SLIT2: variants seen among roughly 807,000 people sequenced by gnomAD.
SLIT2 encodes the protein slit homolog 2 protein.
SLIT2 carries 41 observed loss-of-function variants against 185.7 expected under a neutral mutation model. That is an observed-to-expected ratio of 0.22 (90% confidence interval 0.17 to 0.29). SLIT2 has a LOEUF of 0.29. Among genes scored for constraint, SLIT2 ranks in the 10% least tolerant of loss-of-function variants. SLIT2 has a pLI of 1.00. For missense variants in SLIT2, 1,571 were observed against 1,909.0 expected (o/e 0.82, Z 3.30); for synonymous variants, 693 against 680.2 (o/e 1.02, Z -0.29).
At chr4:20,425,477 A>G (rs960523056) in intron 4 of SLIT2, among the ~76,000 whole-genome samples, 3 of 152,146 alleles carry the variant, frequency 2.0e-5, no homozygotes, top group African/African-American at 7.2e-5. Flanking sequence ...ATTTATATGA[A>G]TGAAATAGTC....
chr4:20,467,170 T>C (rs1051586635), intron 4 of SLIT2, among the ~76,000 whole-genome samples: 3 of 152,152 alleles, frequency 2.0e-5, no homozygotes, highest in African/African-American at 7.2e-5. Context: ...TTAAAGAAGG[T>C]TTTATGTAAA....
chr4:20,531,411 C>A (rs632152), intron 16 of SLIT2, among the ~76,000 whole-genome samples: 134,925 of 152,238 alleles, frequency 0.89, 60,009 homozygotes, highest in African/African-American at 0.96. Context: ...AATGCCCAGA[C>A]TAGGAAAATT....
intron 4 of SLIT2, among the ~76,000 whole-genome samples, chr4:20,288,272 T>C (rs569746720): frequency 7.9e-5 from 12 of 152,364 alleles, no homozygotes; most frequent in African/African-American, 2.4e-4. Flanking sequence ...CAGTGTGGTG[T>C]GTAGGCCTGG....
In SLIT2 at chr4:20,594,261, ACG is replaced by A. The variant is rs535331346; in HGVS notation, c.3183-1434_3183-1433del. On this transcript the variant is annotated intron_variant, in intron 30 of 36. Coordinates refer to ENST00000504154, the MANE Select transcript of SLIT2 (RefSeq NM_004787.4). ...TGTATATACATATACATATACATAC[ACG>A]CATATGTATGTGTGTATGTATATGT... Among the ~76,000 whole-genome samples, 287 of 149,804 alleles carry A rather than the reference ACG, an allele frequency of 1.9e-3. 2 individuals are homozygous for A. Among genetic ancestry groups the A allele is most frequent in the African/African-American group, 6.6e-3 (269 of 40,802 alleles).
At chr4:20,608,074 A>G (rs1483959254) in intron 33 of SLIT2, among the ~76,000 whole-genome samples, 1 of 152,148 alleles carries the variant, frequency 6.6e-6, no homozygotes, top group East Asian at 1.9e-4. Flanking sequence ...GTATTGAATT[A>G]TTTGTATCAT....
intron 4 of SLIT2, among the ~76,000 whole-genome samples, chr4:20,464,451 C>G (rs1714119282): frequency 6.6e-6 from 1 of 152,124 alleles, no homozygotes; most frequent in Non-Finnish European, 1.5e-5. Flanking sequence ...CCATTTTCTT[C>G]CTCTGAAACA....
intron 22 of SLIT2, 76 bp from the exon 23 acceptor site, chr4:20,548,412 C>A: frequency 1.3e-6 from 1 of 761,466 alleles, no homozygotes; most frequent in Non-Finnish European, 2.3e-6. Context: ...TATAAGAAGA[C>A]CCTTCTCCTT....
intron 33 of SLIT2, among the ~76,000 whole-genome samples, chr4:20,602,489 A>G (rs1225924643): frequency 6.6e-6 from 1 of 152,192 alleles, no homozygotes; most frequent in Non-Finnish European, 1.5e-5. Context: ...CCTGCTGTTA[A>G]CAGCACCAAG....
intron 4 of SLIT2, among the ~76,000 whole-genome samples, chr4:20,373,162 A>C (rs1341589314): frequency 6.6e-6 from 1 of 152,068 alleles, no homozygotes; most frequent in Non-Finnish European, 1.5e-5. Context: ...TATAATCAAA[A>C]TTAGTTTGGC....
intron 1 of SLIT2, among the ~76,000 whole-genome samples, chr4:20,255,833 T>C (rs1199899523): frequency 1.3e-5 from 2 of 152,150 alleles, no homozygotes; most frequent in Non-Finnish European, 2.9e-5. Context: ...TCAAACATGA[T>C]GTTGTAGAGT....
At chr4:20,345,845 T>C (rs181276569) in intron 4 of SLIT2, among the ~76,000 whole-genome samples, 1 of 152,178 alleles carries the variant, frequency 6.6e-6, no homozygotes, top group East Asian at 1.9e-4. Context: ...GAAATACTTA[T>C]TTCTATGTGA....
chr4:20,371,348 C>T (rs188694621), intron 4 of SLIT2, among the ~76,000 whole-genome samples: 10 of 152,228 alleles, frequency 6.6e-5, no homozygotes, highest in Non-Finnish European at 1.3e-4. Flanking sequence ...CCACCACACA[C>T]ACACCCACTC....
intron 4 of SLIT2, among the ~76,000 whole-genome samples, chr4:20,416,798 C>T (rs1727726408): frequency 6.6e-6 from 1 of 152,190 alleles, no homozygotes; most frequent in South Asian, 2.1e-4. Context: ...CTGAACAAGT[C>T]TTTCATTCAG....
intron 4 of SLIT2, among the ~76,000 whole-genome samples, chr4:20,437,661 C>T (rs1451070116): frequency 6.6e-6 from 1 of 151,720 alleles, no homozygotes; most frequent in Non-Finnish European, 1.5e-5. Context: ...GCCTGTAATC[C>T]CAGCACTTTG....
Position 20,323,735 on chromosome 4 carries a change from T to G in SLIT2, c.395+54854T>G, listed in dbSNP as rs142818654. Among the ~76,000 whole-genome samples, 634 of 152,274 alleles carry G rather than the reference T, an allele frequency of 4.2e-3. 3 individuals are homozygous for G. Among genetic ancestry groups the G allele is most frequent in the African/African-American group, 0.014 (562 of 41,562 alleles). ...TATCAGATTGGGCAGAGTCTAAGATTGGCTGGCATAGGAAAAAACAGAAAC... is the reference window on the plus strand; with the variant it reads ...TATCAGATTGGGCAGAGTCTAAGATGGGCTGGCATAGGAAAAAACAGAAAC... On this transcript the variant is annotated intron_variant, in intron 4 of 36. Coordinates refer to ENST00000504154, the MANE Select transcript of SLIT2 (RefSeq NM_004787.4).
In SLIT2 at chr4:20,376,912, A is replaced by C. The variant is rs563305759; in HGVS notation, c.396-90840A>C. ...GGAGAGGGAGAGCTTTAGGAGAAAT[A>C]CCTAATGTAAACGACTCGTTAATGG... On this transcript the variant is annotated intron_variant, in intron 4 of 36. Transcript: ENST00000504154. Among the ~76,000 whole-genome samples, 5 of 152,202 alleles carry C rather than the reference A, an allele frequency of 3.3e-5. No homozygotes were observed. In the South Asian group the frequency reaches 1.0e-3, roughly 32 times the overall value.
intron 29 of SLIT2, among the ~76,000 whole-genome samples, chr4:20,575,005 A>G (rs1725974171): frequency 6.6e-6 from 1 of 152,138 alleles, no homozygotes; most frequent in Non-Finnish European, 1.5e-5. Flanking sequence ...TGCATCTAAT[A>G]CCTTCCTGGG....
chr4:20,395,831 A>G (rs1382583789), intron 4 of SLIT2, among the ~76,000 whole-genome samples: 3 of 152,002 alleles, frequency 2.0e-5, no homozygotes, highest in Non-Finnish European at 4.4e-5. Flanking sequence ...AAATTTTAAA[A>G]GAAAACTAAC....
At position 20,382,491 on chromosome 4, in the gene SLIT2, T is replaced by C. The variant is rs1035878605; in HGVS notation, c.396-85261T>C. Among the ~76,000 whole-genome samples, 7 of 152,104 alleles carry C rather than the reference T, an allele frequency of 4.6e-5. 1 individual carries two copies. Among genetic ancestry groups the C allele is most frequent in the Admixed American group, 3.9e-4 (6 of 15,256 alleles). On this transcript the variant is annotated intron_variant, in intron 4 of 36. Coordinates refer to ENST00000504154, the MANE Select transcript of SLIT2 (RefSeq NM_004787.4). ...TTTACCAAGTTAGCAGTATGCAAGATTAATGTATAAAAAATATATTTTTGT... is the reference window on the plus strand; with the variant it reads ...TTTACCAAGTTAGCAGTATGCAAGACTAATGTATAAAAAATATATTTTTGT...
Sources: gnomAD v4.1 joint callset for allele counts (sites outside exome capture counted in the v4.1 genomes callset) on GRCh38, gnomAD v4.1.1 for gene constraint, MANE v1.5 for transcripts, NCBI Gene and HGNC (gene_info 2026-07-23, HGNC 2026-07-21) for gene names.